ADAMTS17: variants seen among roughly 807,000 people sequenced by gnomAD.
ADAMTS17 encodes ADAM metallopeptidase with thrombospondin type 1 motif 17.
In ADAMTS17, 113 loss-of-function variants were observed where a neutral mutation model predicts 141.5. The ratio of observed to expected loss-of-function variants is 0.80; its 90% CI spans 0.69 to 0.93. ADAMTS17 has a LOEUF of 0.93. ADAMTS17 is among the 40% of genes least tolerant of loss of function. The probability of loss-of-function intolerance (pLI) is 0.00; values close to 1 mark genes in which losing one functional copy is unlikely to be tolerated. For synonymous variants in ADAMTS17, 768 were observed against 630.6 expected, an observed-to-expected ratio of 1.22 and a Z score of -3.27; for missense variants, 1,659 against 1,517.9, an observed-to-expected ratio of 1.09 and a Z score of -1.54.
Position 100,048,888 on chromosome 15 carries a change from G to A in ADAMTS17, c.2560C>T (p.Arg854Ter), listed in dbSNP as rs780563389. The change falls in exon 18 of 22, where the codon CGA (arginine) becomes TGA (stop). Residue 854 changes from arginine to a stop codon, truncating the protein, a stop_gained. Coordinates refer to ENST00000268070, the MANE Select transcript of ADAMTS17 (RefSeq NM_139057.4). LOFTEE classifies it high-confidence loss of function. ...TGGCAGGGGTGCAAGTTGCACCTTC[G>A]GACCTGGGGCTCTGGGCGGCTTGCT... ...PQASRPEPQV[R>*]RCNLHPCQSR... 25 of 1,614,182 alleles carry A rather than the reference G, an allele frequency of 1.5e-5. No homozygotes were observed. The highest frequency in any genetic ancestry group is 1.6e-4 in the Middle Eastern group (1 of 6,062).
chr15:100,307,804 C>G (rs374893831), intron 3 of ADAMTS17, among the ~76,000 whole-genome samples: 5 of 152,206 alleles, frequency 3.3e-5, no homozygotes, highest in East Asian at 1.9e-4. Flanking sequence ...TCCCACAGAC[C>G]CCCTGCTGGG....
intron 14 of ADAMTS17, among the ~76,000 whole-genome samples, chr15:100,103,077 T>C (rs1390363408): frequency 6.6e-6 from 1 of 152,152 alleles, no homozygotes; most frequent in Non-Finnish European, 1.5e-5. Context: ...TTCCCTTCAC[T>C]GTTTGTGCTG....
chr15:100,063,521 A>T (rs1222745005), intron 15 of ADAMTS17: 3 of 494,516 alleles, frequency 6.1e-6, no homozygotes, highest in Non-Finnish European at 1.1e-5. Flanking sequence ...GTCAAATATG[A>T]CAGCACTGTG....
chr15:100,323,492 T>C (rs938146338), intron 3 of ADAMTS17, among the ~76,000 whole-genome samples: 4 of 152,170 alleles, frequency 2.6e-5, no homozygotes, highest in Non-Finnish European at 1.5e-5. Context: ...ACAGGTGTGC[T>C]TACAGGGAAA....
chr15:100,092,506 A>G (rs535858871), intron 15 of ADAMTS17, among the ~76,000 whole-genome samples: 1 of 152,366 alleles, frequency 6.6e-6, no homozygotes, highest in South Asian at 2.1e-4. Context: ...TAACTGAGAA[A>G]AAGAAATACG....
Position 99,974,371 on chromosome 15 carries a change from C to T in ADAMTS17, c.*31G>A. 6.2e-7 allele frequency: 1 copy of T among 1,613,736 alleles called. No homozygotes were observed. Among genetic ancestry groups the T allele is most frequent in the South Asian group, 1.1e-5 (1 of 91,036 alleles). On this transcript the variant is annotated 3_prime_UTR_variant, in exon 22 of 22. Coordinates refer to ENST00000268070, the MANE Select transcript of ADAMTS17 (RefSeq NM_139057.4). ...GGGTGGGTGGGTTTCAGACCTGAGTCTGAGCTTTGAGCGACCCTTGGGACT... is the reference window on the plus strand; with the variant it reads ...GGGTGGGTGGGTTTCAGACCTGAGTTTGAGCTTTGAGCGACCCTTGGGACT...
At chr15:99,998,072 T>A (rs1263932967) in intron 18 of ADAMTS17, among the ~76,000 whole-genome samples, 1 of 152,180 alleles carries the variant, frequency 6.6e-6, no homozygotes. Flanking sequence ...CCGCCTGCGC[T>A]ACTGTCAGTG....
chr15:100,008,295 GA>G (rs1416493990), intron 18 of ADAMTS17, among the ~76,000 whole-genome samples: 1 of 152,146 alleles, frequency 6.6e-6, no homozygotes, highest in Non-Finnish European at 1.5e-5. Context: ...GTGTGAGGAA[GA>G]GGAGAGGACA....
intron 11 of ADAMTS17, 29 bp from the exon 12 acceptor site, chr15:100,132,181 C>G (rs2038086754): frequency 1.2e-6 from 2 of 1,609,266 alleles, no homozygotes; most frequent in African/African-American, 1.3e-5. Flanking sequence ...GGTCGGGGCC[C>G]AGGCACTCAG....
At chr15:99,977,969 C>T (rs2060400946) in intron 20 of ADAMTS17, among the ~76,000 whole-genome samples, 1 of 152,152 alleles carries the variant, frequency 6.6e-6, no homozygotes, top group Non-Finnish European at 1.5e-5. Flanking sequence ...GTACAGCAGC[C>T]GAGCTGGAGC....
chr15:100,072,057 G>C (rs1351165462), intron 15 of ADAMTS17, among the ~76,000 whole-genome samples: 1 of 149,054 alleles, frequency 6.7e-6, no homozygotes, highest in Non-Finnish European at 1.5e-5. Context: ...CTTCCGCAAA[G>C]TCTGAGGATA....
At chr15:100,330,067 C>T (rs1452738516) in intron 3 of ADAMTS17, among the ~76,000 whole-genome samples, 1 of 152,184 alleles carries the variant, frequency 6.6e-6, no homozygotes. Context: ...CACCTGTGCT[C>T]CAACTTCATC....
chr15:100,286,405 T>C (rs1014390348), intron 3 of ADAMTS17, among the ~76,000 whole-genome samples: 2 of 152,146 alleles, frequency 1.3e-5, no homozygotes, highest in African/African-American at 4.8e-5. Flanking sequence ...TATGAAGTAC[T>C]GTGGCCAGCA....
intron 14 of ADAMTS17, among the ~76,000 whole-genome samples, chr15:100,099,271 T>C (rs913682434): frequency 1.3e-5 from 2 of 152,196 alleles, no homozygotes; most frequent in Non-Finnish European, 2.9e-5. Flanking sequence ...GGGCTGTCCA[T>C]GTCTGAACAG....
intron 7 of ADAMTS17, among the ~76,000 whole-genome samples, chr15:100,214,339 A>T (rs1405936636): frequency 5.3e-5 from 8 of 152,148 alleles, no homozygotes; most frequent in Admixed American, 5.2e-4. Flanking sequence ...TTAAAAGGCC[A>T]AAAAAAGGGA....
At chr15:100,328,702 AC>A (rs2141943630) in intron 3 of ADAMTS17, among the ~76,000 whole-genome samples, 1 of 152,288 alleles carries the variant, frequency 6.6e-6, no homozygotes, top group African/African-American at 2.4e-5. Context: ...CTCCTTAGGG[AC>A]AAAAATGCAA....
intron 15 of ADAMTS17, among the ~76,000 whole-genome samples, chr15:100,062,074 TG>T (rs2033163919): frequency 6.6e-6 from 1 of 152,204 alleles, no homozygotes; most frequent in East Asian, 1.9e-4. Context: ...CAAGAGGCCT[TG>T]TTTTAGAATG....
At chr15:100,039,051 T>C (rs1053279969) in intron 18 of ADAMTS17, among the ~76,000 whole-genome samples, 5 of 152,258 alleles carry the variant, frequency 3.3e-5, no homozygotes, top group Non-Finnish European at 5.9e-5. Flanking sequence ...CTGTTCATAG[T>C]GTTCATTCCC....
intron 18 of ADAMTS17, among the ~76,000 whole-genome samples, chr15:100,031,405 T>G (rs2030152967): frequency 6.6e-6 from 1 of 152,222 alleles, no homozygotes; most frequent in African/African-American, 2.4e-5. Context: ...CAGAAACTGC[T>G]GCTGAGAGTG....
Sources: allele counts gnomAD v4.1 joint callset (sites outside exome capture counted in the v4.1 genomes callset), GRCh38; gene constraint gnomAD v4.1.1; transcripts MANE v1.5; gene names NCBI Gene and HGNC (gene_info 2026-07-23, HGNC 2026-07-21).